LAMA3: variants seen among roughly 807,000 people sequenced by gnomAD.
LAMA3 encodes the protein laminin subunit alpha 3.
Under a neutral mutation model 402.0 loss-of-function variants are expected in LAMA3, and 281 were observed. The ratio of observed to expected loss-of-function variants is 0.70; its 90% CI spans 0.63 to 0.77. The LOEUF (loss-of-function observed/expected upper bound fraction) is 0.77. LAMA3 is among the 30% of genes least tolerant of loss of function. The pLI is 0.00. For missense variants in LAMA3, 3,840 were observed against 4,215.5 expected, an observed-to-expected ratio of 0.91 and a Z score of 2.47; for synonymous variants, 1,431 against 1,558.4, an observed-to-expected ratio of 0.92 and a Z score of 1.93.
At chr18:23,906,870 T>C (rs2081265696) in intron 52 of LAMA3, among the ~76,000 whole-genome samples, 1 of 152,208 alleles carries the variant, frequency 6.6e-6, no homozygotes, top group Non-Finnish European at 1.5e-5. Flanking sequence ...GGAATCGTAA[T>C]TGAAGCCATG....
intron 50 of LAMA3, 109 bp from the exon 51 acceptor site, chr18:23,904,441 TAAA>T: frequency 4.0e-6 from 4 of 1,000,084 alleles, no homozygotes; most frequent in Non-Finnish European, 4.2e-6. Flanking sequence ...TTCCATTTCT[TAAA>T]AAAAAAAAAG....
rs187899159 is a variant in LAMA3, at chr18:23,914,735, G to A, written c.7519G>A (p.Ala2507Thr). Residue 2507 changes from alanine to threonine, a missense_variant, in exon 58 of 75, where the codon GCC becomes ACC. Ala to Thr is a moderately conservative substitution (Grantham distance 58, BLOSUM62 0). Coordinates refer to ENST00000313654, the MANE Select transcript of LAMA3 (RefSeq NM_198129.4). The part of the protein sequence containing the change: ...QFARLNYTKG[A>T]TSSKPETPGV... ...TGCAAGGCTTAATTACACCAAAGGA[G>A]CCACATCCAGTAAACCAGAAACACC... 10 of 1,613,784 alleles carry A rather than the reference G, an allele frequency of 6.2e-6. No homozygotes were observed. The East Asian group carries it at 2.2e-4, about 36-fold the overall frequency.
intron 37 of LAMA3, among the ~76,000 whole-genome samples, chr18:23,869,501 A>G (rs2064454266): frequency 6.6e-6 from 1 of 152,228 alleles, no homozygotes; most frequent in Non-Finnish European, 1.5e-5. Flanking sequence ...CCGTAAATTT[A>G]TTACAAATTG....
At chr18:23,899,801 T>C (rs1176442971) in intron 47 of LAMA3, 1 of 236,092 alleles carries the variant, frequency 4.2e-6, no homozygotes, top group Non-Finnish European at 8.5e-6. Flanking sequence ...TCACCACTAC[T>C]GAATTTTTGA....
chr18:23,927,464 C>T (rs971144597), intron 62 of LAMA3, among the ~76,000 whole-genome samples: 2 of 152,136 alleles, frequency 1.3e-5, no homozygotes, highest in South Asian at 2.1e-4. Flanking sequence ...CCACCCCACC[C>T]GGCCCGTTAA....
At chr18:23,757,640 T>C (rs1190356454) in intron 6 of LAMA3, among the ~76,000 whole-genome samples, 1 of 152,164 alleles carries the variant, frequency 6.6e-6, no homozygotes, top group African/African-American at 2.4e-5. Context: ...GAGGAACGAC[T>C]CCTGCTCCAC....
intron 47 of LAMA3, among the ~76,000 whole-genome samples, chr18:23,900,903 A>G (rs1374680977): frequency 2.0e-5 from 3 of 152,192 alleles, no homozygotes; most frequent in Admixed American, 6.5e-5. Context: ...CTTTATCTAA[A>G]ACATGAGAAT....
rs1297850547 is a variant in LAMA3, at chr18:23,790,928, A to G, written c.1603+6771A>G. Among the ~76,000 whole-genome samples, 14 of 150,592 alleles carry G rather than the reference A, an allele frequency of 9.3e-5. 1 individual carries two copies. Among genetic ancestry groups the G allele is most frequent in the Admixed American group, 9.3e-4 (14 of 15,080 alleles). On this transcript the variant is annotated intron_variant, in intron 12 of 74. Transcript: ENST00000313654. ...TTTTAAGACAGAGTCTCGCTCTGTC[A>G]CCCAGGCTGGAGTGCAGTGGCGCGA... is the stretch of plus-strand genomic sequence containing the variant.
intron 2 of LAMA3, among the ~76,000 whole-genome samples, chr18:23,729,765 G>A (rs2061359843): frequency 6.6e-6 from 1 of 152,216 alleles, no homozygotes; most frequent in Admixed American, 6.5e-5. Context: ...AGGGGAAATG[G>A]GAAGCCCAGA....
intron 55 of LAMA3, among the ~76,000 whole-genome samples, chr18:23,909,825 G>T (rs1481826284): frequency 6.6e-6 from 1 of 152,108 alleles, no homozygotes; most frequent in Non-Finnish European, 1.5e-5. Context: ...GTCCTAAAAT[G>T]GCATAAATAC....
intron 36 of LAMA3, among the ~76,000 whole-genome samples, chr18:23,865,711 T>G (rs913845259): frequency 6.6e-5 from 10 of 152,120 alleles, no homozygotes; most frequent in Non-Finnish European, 1.5e-4. Context: ...ACTTTGTGGT[T>G]CATTTTGAGC....
intron 50 of LAMA3, 103 bp downstream of exon 50, chr18:23,904,190 C>G: frequency 7.4e-7 from 1 of 1,353,546 alleles, no homozygotes; most frequent in Non-Finnish European, 1.1e-6. Flanking sequence ...GTCTCCAGAA[C>G]TGGGTGGAGG....
rs34963231 is a variant in LAMA3, at chr18:23,916,890, A to G, written c.7923+195A>G. ...CTTTTTTTTTTTTTTTAACATTTTT[A>G]GTTTCAGGGGTGCAGGTGCAGGTTT... On this transcript the variant is annotated intron_variant, in intron 60 of 74. Transcript: ENST00000313654. 0.21 allele frequency among the ~76,000 whole-genome samples: 30,585 copies of G among 145,390 alleles called. 3,836 individuals are homozygous for G. Among genetic ancestry groups the G allele is most frequent in the Non-Finnish European group, 0.28 (18,686 of 66,458 alleles).
At chr18:23,759,228 T>G (rs1271986333) in intron 7 of LAMA3, among the ~76,000 whole-genome samples, 1 of 151,110 alleles carries the variant, frequency 6.6e-6, no homozygotes, top group South Asian at 2.1e-4. Context: ...TCCCAGCTAC[T>G]TGGGAGGTGG....
chr18:23,726,604 G>C lies in LAMA3; in HGVS notation c.447+12532G>C, dbSNP rs538016393. ...GGCTATAGTGTTCACACAAGCCCCT[G>C]TTTATTTATTTTTATTTATTTTTTA... On this transcript the variant is annotated intron_variant, in intron 2 of 74. Coordinates refer to ENST00000313654, the MANE Select transcript of LAMA3 (RefSeq NM_198129.4). Among the ~76,000 whole-genome samples the C allele has an allele frequency of 3.1e-4, 47 of 152,198 alleles. 1 individual carries two copies. In the South Asian group the frequency reaches 9.5e-3, roughly 31 times the overall value.
At chr18:23,769,634 G>C (rs1365282824) in intron 8 of LAMA3, among the ~76,000 whole-genome samples, 1 of 152,118 alleles carries the variant, frequency 6.6e-6, no homozygotes, top group Non-Finnish European at 1.5e-5. Flanking sequence ...GATAAATGAA[G>C]GAACAGGGGA....
chr18:23,731,441 T>G (rs1228243568), intron 2 of LAMA3, among the ~76,000 whole-genome samples: 2 of 152,342 alleles, frequency 1.3e-5, no homozygotes, highest in East Asian at 3.9e-4. Flanking sequence ...GACTAAAGTG[T>G]GCTCTACAGT....
At chr18:23,816,919 C>T (rs1426228171) in intron 18 of LAMA3, among the ~76,000 whole-genome samples, 1 of 151,876 alleles carries the variant, frequency 6.6e-6, no homozygotes, top group Non-Finnish European at 1.5e-5. Context: ...TAAGAGGGGG[C>T]AGTGCGACAT....
intron 2 of LAMA3, among the ~76,000 whole-genome samples, chr18:23,737,941 C>T (rs1598684859): frequency 6.6e-6 from 1 of 152,156 alleles, no homozygotes; most frequent in African/African-American, 2.4e-5. Context: ...TTATCAGGCT[C>T]CAGGGGGCTG....
Sources: gnomAD v4.1 joint callset for allele counts (sites outside exome capture counted in the v4.1 genomes callset) on GRCh38, gnomAD v4.1.1 for gene constraint, MANE v1.5 for transcripts, NCBI Gene and HGNC (gene_info 2026-07-23, HGNC 2026-07-21) for gene names.